The following HMBOX1 variants were observed in gnomAD, a reference collection of about 807,000 sequenced individuals.
HMBOX1 encodes the protein homeobox containing 1, also known as homeobox-containing protein 1.
Under a neutral mutation model 54.5 loss-of-function variants are expected in HMBOX1, and 14 were observed. The ratio of observed to expected loss-of-function variants is 0.26; its 90% CI spans 0.17 to 0.40. The LOEUF is 0.40. Among genes scored for constraint, HMBOX1 ranks in the 10% least tolerant of loss-of-function variants. HMBOX1 has a pLI of 1.00. For missense variants in HMBOX1, 332 were observed against 514.4 expected (o/e 0.65, Z 3.43); for synonymous variants, 160 against 181.0 (o/e 0.88, Z 0.93).
chr8:29,012,784 AT>A (rs1257460924), intron 5 of HMBOX1, among the ~76,000 whole-genome samples: 11 of 152,366 alleles, frequency 7.2e-5, no homozygotes, highest in Middle Eastern at 6.8e-3. Flanking sequence ...GCCTTGTAAG[AT>A]TAAAAAGAAA....
At chr8:28,917,732 C>T (rs999641509) in intron 1 of HMBOX1, among the ~76,000 whole-genome samples, 5 of 152,016 alleles carry the variant, frequency 3.3e-5, no homozygotes, top group Admixed American at 6.6e-5. Context: ...TAGTTTGCTC[C>T]GAGTTTTGGT....
chr8:28,907,145 G>A (rs538006370), intron 1 of HMBOX1, among the ~76,000 whole-genome samples: 2 of 152,288 alleles, frequency 1.3e-5, no homozygotes, highest in South Asian at 2.1e-4. Flanking sequence ...TTTAGAAGAA[G>A]CACAGTAACC....
chr8:29,032,694 C>T (rs1191311508), intron 6 of HMBOX1, among the ~76,000 whole-genome samples: 1 of 152,146 alleles, frequency 6.6e-6, no homozygotes, highest in Non-Finnish European at 1.5e-5. Context: ...TTTGGTTATA[C>T]TCGGCTGGTC....
intron 1 of HMBOX1, among the ~76,000 whole-genome samples, chr8:28,919,011 G>T (rs1817074063): frequency 6.6e-6 from 1 of 152,142 alleles, no homozygotes; most frequent in Non-Finnish European, 1.5e-5. Flanking sequence ...TAGAAAACAG[G>T]GAAGTTCTTT....
At chr8:29,029,723 A>C (rs1432551977) in intron 6 of HMBOX1, among the ~76,000 whole-genome samples, 2 of 152,354 alleles carry the variant, frequency 1.3e-5, no homozygotes, top group East Asian at 3.9e-4. Flanking sequence ...GGGAACCGTA[A>C]AATATGATTT....
intron 1 of HMBOX1, among the ~76,000 whole-genome samples, chr8:28,906,894 GA>G (rs1384258178): frequency 1.3e-5 from 2 of 151,888 alleles, no homozygotes; most frequent in Non-Finnish European, 2.9e-5. Flanking sequence ...ACCTGGCCTT[GA>G]AAAAAATGGT....
chr8:28,902,160 C>T (rs978861656), intron 1 of HMBOX1, among the ~76,000 whole-genome samples: 4 of 152,028 alleles, frequency 2.6e-5, no homozygotes, highest in Non-Finnish European at 2.9e-5. Context: ...GCTGACTTGC[C>T]GCTGGTAGGG....
intron 1 of HMBOX1, among the ~76,000 whole-genome samples, chr8:28,941,442 C>A (rs906793014): frequency 1.3e-5 from 2 of 152,060 alleles, no homozygotes; most frequent in African/African-American, 2.4e-5. Flanking sequence ...CCAAATCTTA[C>A]CTTTACTTTT....
chr8:29,001,164 A>G (rs1832581382), intron 4 of HMBOX1, among the ~76,000 whole-genome samples: 3 of 152,234 alleles, frequency 2.0e-5, no homozygotes, highest in Admixed American at 2.0e-4. Flanking sequence ...CAAACATACA[A>G]ACATACAAGG....
chr8:29,028,889 C>T (rs1338419035), intron 6 of HMBOX1, among the ~76,000 whole-genome samples: 3 of 152,222 alleles, frequency 2.0e-5, no homozygotes. Context: ...CCTAGTGTCA[C>T]TTCCTGTTAT....
chr8:28,947,767 C>A (rs969288900), intron 1 of HMBOX1, among the ~76,000 whole-genome samples: 1 of 152,106 alleles, frequency 6.6e-6, no homozygotes, highest in African/African-American at 2.4e-5. Context: ...ATCTGTCCCT[C>A]CTGCCCCCGC....
intron 1 of HMBOX1, among the ~76,000 whole-genome samples, chr8:28,929,870 G>A (rs1247455089): frequency 2.6e-5 from 4 of 152,048 alleles, no homozygotes; most frequent in African/African-American, 9.7e-5. Context: ...AGCATTTAGT[G>A]TGTTCACAAT....
chr8:29,007,421 A>G (rs188685868), intron 4 of HMBOX1, among the ~76,000 whole-genome samples: 174 of 152,378 alleles, frequency 1.1e-3, no homozygotes, highest in African/African-American at 3.9e-3. Flanking sequence ...CAGTGCCTAC[A>G]TTACATGAAT....
At chr8:29,022,308 C>T (rs562823715) in intron 6 of HMBOX1, among the ~76,000 whole-genome samples, 1 of 152,178 alleles carries the variant, frequency 6.6e-6, no homozygotes, top group South Asian at 2.1e-4. Flanking sequence ...GTCCCAGCCA[C>T]TCGGGAGGCT....
intron 2 of HMBOX1, among the ~76,000 whole-genome samples, chr8:28,966,953 A>G (rs1294980512): frequency 2.0e-5 from 3 of 152,244 alleles, no homozygotes; most frequent in African/African-American, 7.2e-5. Flanking sequence ...GAGCAGGGAT[A>G]TATCAGGGGC....
At chr8:28,897,366 C>G (rs2131530033) in intron 1 of HMBOX1, among the ~76,000 whole-genome samples, 1 of 151,904 alleles carries the variant, frequency 6.6e-6, no homozygotes, top group Non-Finnish European at 1.5e-5. Flanking sequence ...TGAAATTGTC[C>G]ACAAATAAAA....
At chr8:29,013,196 C>T (rs1220063728) in intron 5 of HMBOX1, among the ~76,000 whole-genome samples, 2 of 152,108 alleles carry the variant, frequency 1.3e-5, no homozygotes, top group African/African-American at 2.4e-5. Flanking sequence ...AGTGCAGTGG[C>T]GCAATCTTGG....
chr8:28,994,393 T>C (rs1238623643), intron 4 of HMBOX1, among the ~76,000 whole-genome samples: 3 of 152,172 alleles, frequency 2.0e-5, no homozygotes. Context: ...AATAATGTTT[T>C]TCCATTGATT....
chr8:28,911,518 G>GGC lies in HMBOX1; in HGVS notation c.-58+20840_-58+20841insGC, dbSNP rs1415736825. 4.6e-5 allele frequency among the ~76,000 whole-genome samples: 7 copies of GGC among 152,112 alleles called. No homozygotes were observed. The East Asian group carries it at 9.8e-4, about 21-fold the overall frequency. The stretch of plus-strand genomic sequence containing the variant: ...TTACAAGTGCCTGCCACCATGCCCT[G>GGC]CTAATTTTTGTATTTTTAGTAGAGA... On this transcript the variant is annotated intron_variant, in intron 1 of 9. Coordinates refer to ENST00000287701, the MANE Select transcript of HMBOX1 (RefSeq NM_001135726.3).
Sources: gnomAD v4.1 joint callset for allele counts (sites outside exome capture counted in the v4.1 genomes callset) on GRCh38, gnomAD v4.1.1 for gene constraint, MANE v1.5 for transcripts, NCBI Gene and HGNC (gene_info 2026-07-23, HGNC 2026-07-21) for gene names.